SYNPO2: variants seen among roughly 807,000 people sequenced by gnomAD.
SYNPO2 encodes synaptopodin 2, also known as synaptopodin-2.
In SYNPO2, 56 loss-of-function variants were observed where a neutral mutation model predicts 85.0. That is an observed-to-expected ratio of 0.66 (90% CI 0.53 to 0.82). SYNPO2 has a LOEUF of 0.82. Ranked by LOEUF, SYNPO2 falls within the 40% of genes least tolerant of loss-of-function variation. SYNPO2 has a pLI of 0.00. For missense variants in SYNPO2, 1,575 were observed against 1,534.2 expected, an observed-to-expected ratio of 1.03 and a Z score of -0.44; for synonymous variants, 602 against 591.1, an observed-to-expected ratio of 1.02 and a Z score of -0.27.
At position 118,953,413 on chromosome 4, in the gene SYNPO2, C is replaced by T. The variant is rs1255104888; in HGVS notation, c.105+64272C>T. ...CTGAGCAGGGCAGTGATGACTTAGT[C>T]GTATCACTGTATCCCCCATTGCCCA... On this transcript the variant is annotated intron_variant, in intron 1 of 4. Transcript: ENST00000307142. Among the ~76,000 whole-genome samples, 7 of 152,224 alleles carry T rather than the reference C, an allele frequency of 4.6e-5. No homozygotes were observed. The East Asian group carries it at 1.2e-3, about 25-fold the overall frequency.
intron 1 of SYNPO2, among the ~76,000 whole-genome samples, chr4:118,941,117 A>G (rs1734301408): frequency 6.6e-6 from 1 of 152,026 alleles, no homozygotes; most frequent in Non-Finnish European, 1.5e-5. Context: ...CTCAAATTCA[A>G]CCTTCCCTCC....
At chr4:119,047,924 C>G (rs756328274) in intron 4 of SYNPO2, among the ~76,000 whole-genome samples, 37 of 152,188 alleles carry the variant, frequency 2.4e-4, no homozygotes, top group Non-Finnish European at 5.0e-4. Context: ...CTTCTTCAAC[C>G]CTAACTAATT....
rs376876649 is a variant in SYNPO2 at position 119,023,500 on chromosome 4, A to G, written c.176A>G (p.Asn59Ser). The G allele has an allele frequency of 6.2e-7, 1 of 1,613,826 alleles. No individual in the cohort carries two copies. The highest frequency in any genetic ancestry group is 8.5e-7 in the Non-Finnish European group (1 of 1,179,918). The stretch of plus-strand genomic sequence containing the variant: ...GATGAAGTGGTTTCCATCAATGGCA[A>G]CCCTTGTGCAGATCTCACCTACCCT... ...EGDEVVSING[N>S]PCADLTYPEV... Residue 59 changes from asparagine (N) to serine (S), a missense_variant, in exon 2 of 5, where the codon AAC (asparagine) becomes AGC (serine). By Grantham distance (46) the Asn-to-Ser change is conservative. This residue lies in a region of SYNPO2 where 12 missense variants were observed against 31.9 expected (regional missense o/e 0.38). Coordinates refer to ENST00000307142, the MANE Select transcript of SYNPO2 (RefSeq NM_133477.3).
intron 1 of SYNPO2, among the ~76,000 whole-genome samples, chr4:118,939,446 G>A (rs987966146): frequency 1.3e-5 from 2 of 152,230 alleles, no homozygotes; most frequent in Non-Finnish European, 2.9e-5. Flanking sequence ...CTCCAACAAA[G>A]AAGACATTGC....
intron 1 of SYNPO2, among the ~76,000 whole-genome samples, chr4:118,951,547 C>G (rs1446645689): frequency 6.6e-6 from 1 of 152,074 alleles, no homozygotes; most frequent in African/African-American, 2.4e-5. Context: ...TGTTGGGACC[C>G]AAGGGCAAAA....
intron 1 of SYNPO2, among the ~76,000 whole-genome samples, chr4:118,916,729 C>CT (rs199715189): frequency 0.23 from 27,198 of 116,938 alleles, 3,942 homozygotes; most frequent in African/African-American, 0.34. Context: ...ATTTTTCTTT[C>CT]TTTTTTTTTT....
chr4:119,022,387 C>T (rs991781732), intron 1 of SYNPO2, among the ~76,000 whole-genome samples: 10 of 152,004 alleles, frequency 6.6e-5, no homozygotes, highest in African/African-American at 2.4e-4. Context: ...GGCTGGAGTG[C>T]AGTGGCATGA....
intron 1 of SYNPO2, among the ~76,000 whole-genome samples, chr4:119,004,060 C>T (rs574683035): frequency 6.6e-6 from 1 of 152,276 alleles, no homozygotes; most frequent in African/African-American, 2.4e-5. Flanking sequence ...TTTAGACTTT[C>T]AACAACATTC....
intron 1 of SYNPO2, among the ~76,000 whole-genome samples, chr4:118,990,862 G>A (rs1004323475): frequency 2.6e-5 from 4 of 151,868 alleles, no homozygotes; most frequent in African/African-American, 9.7e-5. Flanking sequence ...TGCCCGCCTC[G>A]GCCTCCCAAA....
upstream of SYNPO2, among the ~76,000 whole-genome samples, chr4:118,884,150 A>C (rs975390377): frequency 6.6e-6 from 1 of 152,188 alleles, no homozygotes; most frequent in African/African-American, 2.4e-5. Context: ...TTTCTGATTG[A>C]GATATTATCT....
intron 1 of SYNPO2, among the ~76,000 whole-genome samples, chr4:118,998,261 CG>C (rs1270699073): frequency 6.4e-4 from 98 of 152,206 alleles, no homozygotes; most frequent in African/African-American, 2.2e-3. Context: ...TTTAAGAGAG[CG>C]CTCAAGGATG....
intron 1 of SYNPO2, among the ~76,000 whole-genome samples, chr4:118,931,518 A>G (rs929009615): frequency 2.0e-5 from 3 of 152,238 alleles, no homozygotes; most frequent in African/African-American, 7.2e-5. Context: ...TTACTCCTCC[A>G]GGAAATGCAG....
chr4:118,962,574 CT>C (rs1487179225), intron 1 of SYNPO2, among the ~76,000 whole-genome samples: 2 of 152,114 alleles, frequency 1.3e-5, no homozygotes, highest in East Asian at 3.8e-4. Flanking sequence ...CCTAATTTTT[CT>C]AACATTTTTA....
intron 1 of SYNPO2, among the ~76,000 whole-genome samples, chr4:118,860,444 A>G (rs1364844263): frequency 2.0e-5 from 3 of 151,772 alleles, no homozygotes; most frequent in Non-Finnish European, 4.4e-5. Context: ...GGGTTTTGCC[A>G]TGTTGCCCAG....
intron 1 of SYNPO2, among the ~76,000 whole-genome samples, chr4:118,880,541 A>T (rs928273299): frequency 6.6e-6 from 1 of 152,072 alleles, no homozygotes; most frequent in East Asian, 1.9e-4. Flanking sequence ...CGAGGTCAGG[A>T]GTTCAAGACC....
intron 1 of SYNPO2, among the ~76,000 whole-genome samples, chr4:118,906,025 A>G (rs1732924791): frequency 1.3e-5 from 2 of 152,300 alleles, no homozygotes; most frequent in Middle Eastern, 3.4e-3. Flanking sequence ...TTCTTGGCAT[A>G]TTACAAAATA....
chr4:119,056,941 C>T (rs1269440791), intron 4 of SYNPO2, among the ~76,000 whole-genome samples: 1 of 152,122 alleles, frequency 6.6e-6, no homozygotes, highest in African/African-American at 2.4e-5. Context: ...TAATGTACAG[C>T]TTGTTTCTGA....
At position 118,969,418 on chromosome 4, in the gene SYNPO2, G is replaced by A. The variant is rs75991779; in HGVS notation, c.106-54012G>A. 9.5e-5 allele frequency among the ~76,000 whole-genome samples: 11 copies of A among 116,236 alleles called. No individual in the cohort carries two copies. The East Asian group carries it at 1.9e-3, about 20-fold the overall frequency. 76.3% of individuals were successfully genotyped at this position (116,236 alleles called of 152,430 possible). A position where few individuals can be genotyped will look rare whatever the true frequency, so the allele number is the denominator to read the frequency against. ...GGAAAATGTATTTGTAAAAAAGTACGTTTCTCTCCCGATGGTAATACTGGG... is the reference window on the plus strand; with the variant it reads ...GGAAAATGTATTTGTAAAAAAGTACATTTCTCTCCCGATGGTAATACTGGG... On this transcript the variant is annotated intron_variant, in intron 1 of 4. Coordinates refer to ENST00000307142, the MANE Select transcript of SYNPO2 (RefSeq NM_133477.3).
rs573482379 is a variant in SYNPO2 at position 118,881,719 on chromosome 4, A to G, written c.12+30779A>G. Among the ~76,000 whole-genome samples, 3 of 152,322 alleles carry G rather than the reference A, an allele frequency of 2.0e-5. No individual in the cohort carries two copies. The South Asian group carries it at 6.2e-4, about 32-fold the overall frequency. On this transcript the variant is annotated intron_variant, in intron 1 of 4. Coordinates refer to the SYNPO2 transcript ENST00000610556. The stretch of plus-strand genomic sequence containing the variant: ...GTTCGGCCTCCAAGTGAGAGACGGC[A>G]CATAGATCATAGGGAAGTTGTTTTG...
Sources: gnomAD v4.1 joint callset for allele counts (sites outside exome capture counted in the v4.1 genomes callset) on GRCh38, gnomAD v4.1.1 for gene constraint, gnomAD v4.1.1 regional missense constraint, MANE v1.5 for transcripts, NCBI Gene and HGNC (gene_info 2026-07-23, HGNC 2026-07-21) for gene names.